Variants in TMEM132B observed in about 807,000 individuals in gnomAD.
TMEM132B encodes transmembrane protein 132B.
A neutral mutation model predicts 90.8 loss-of-function variants in TMEM132B; 18 were observed. The observed-to-expected ratio is 0.20, with a 90% CI of 0.14 to 0.29. The LOEUF is 0.29. TMEM132B is among the 10% of genes least tolerant of loss of function. TMEM132B has a pLI of 1.00. For missense variants in TMEM132B, 1,096 were observed against 1,326.8 expected (o/e 0.83, Z 2.70); for synonymous variants, 504 against 523.3 (o/e 0.96, Z 0.50).
At chr12:125,374,377 G>A (rs554047680) in intron 2 of TMEM132B, among the ~76,000 whole-genome samples, 1 of 152,018 alleles carries the variant, frequency 6.6e-6, no homozygotes, top group South Asian at 2.1e-4. Flanking sequence ...AAAGTATCTG[G>A]ATTCTCATGG....
At chr12:125,574,572 G>A (rs116330742) in intron 4 of TMEM132B, among the ~76,000 whole-genome samples, 2,287 of 152,152 alleles carry the variant, frequency 0.015, 46 homozygotes, top group African/African-American at 0.05. Context: ...GTAAGGAATC[G>A]TGACCATTTG....
At chr12:125,309,234 G>A (rs1478752203) in intron 1 of TMEM132B, among the ~76,000 whole-genome samples, 1 of 152,140 alleles carries the variant, frequency 6.6e-6, no homozygotes, top group Non-Finnish European at 1.5e-5. Context: ...GGAATAAGAT[G>A]CTCTTTATCT....
intron 5 of TMEM132B, among the ~76,000 whole-genome samples, chr12:125,640,362 A>G (rs570905346): frequency 2.8e-4 from 43 of 152,326 alleles, no homozygotes; most frequent in Non-Finnish European, 3.2e-4. Context: ...GTGCTGGTGC[A>G]TAGTTGACTG....
At chr12:125,222,168 C>A in intron 1 of TMEM132B, among the ~76,000 whole-genome samples, 1 of 152,118 alleles carries the variant, frequency 6.6e-6, no homozygotes, top group East Asian at 1.9e-4. Context: ...GGAAAGGGAG[C>A]AGTGGGTGTT....
At chr12:125,534,362 T>G (rs1883737101) in intron 4 of TMEM132B, among the ~76,000 whole-genome samples, 1 of 152,146 alleles carries the variant, frequency 6.6e-6, no homozygotes, top group East Asian at 1.9e-4. Flanking sequence ...TACAAACATT[T>G]AAAAATTGGC....
In TMEM132B at chr12:125,349,940, G is replaced by A; in HGVS notation, c.556G>A (p.Gly186Arg). 1 of 1,614,222 alleles carries A rather than the reference G, an allele frequency of 6.2e-7. No individual in the cohort carries two copies. Among genetic ancestry groups the A allele is most frequent in the Non-Finnish European group, 8.5e-7 (1 of 1,180,040 alleles). Reference sequence around the variant, plus strand: ...CAGCTGTCGGCTGCAAGGGGCCCCAGGGCTGTGTGTGGCTGAGCTGGAGCT... The same window carrying A: ...CAGCTGTCGGCTGCAAGGGGCCCCAAGGCTGTGTGTGGCTGAGCTGGAGCT... ...AASCRLQGAPGLCVAELELLP... is the reference protein window; with the variant it reads ...AASCRLQGAPRLCVAELELLP... Residue 186 changes from glycine to arginine, a missense_variant, in exon 2 of 9, where the codon GGG becomes AGG. Transcript: ENST00000682704. The surrounding 1 kb of genome is among the most constrained non-coding windows in gnomAD (Gnocchi z 4.1).
At chr12:125,479,782 C>G (rs1881990530) in intron 3 of TMEM132B, among the ~76,000 whole-genome samples, 1 of 152,100 alleles carries the variant, frequency 6.6e-6, no homozygotes, top group African/African-American at 2.4e-5. Context: ...CAGAACTCTC[C>G]ACCCCAAATC....
rs531489519 is a variant in TMEM132B at position 125,295,515 on chromosome 12, T to TGTGAGAGAGAGAGAGA, written c.68-53936_68-53935insTGAGAGAGAGAGAGAG. On this transcript the variant is annotated intron_variant, in intron 1 of 8. Coordinates refer to ENST00000682704, the MANE Select transcript of TMEM132B (RefSeq NM_001366854.1). ...TCCATGAAACCTGTGTGTGTGTGTGTGAGAGAGAGAGAGAGAGAGAGAGAG... is the reference window on the plus strand; with the variant it reads ...TCCATGAAACCTGTGTGTGTGTGTGTGTGAGAGAGAGAGAGAGAGAGAGAGAGAGAGAGAGAGAGAG... Among the ~76,000 whole-genome samples, 259 of 142,396 alleles carry TGTGAGAGAGAGAGAGA rather than the reference T, an allele frequency of 1.8e-3. 7 individuals carry two copies. Among genetic ancestry groups the TGTGAGAGAGAGAGAGA allele is most frequent in the African/African-American group, 6.8e-3 (251 of 37,064 alleles). 93.4% of individuals were successfully genotyped at this position (142,396 alleles called of 152,430 possible). A position where few individuals can be genotyped will look rare whatever the true frequency, so the allele number is the denominator to read the frequency against.
intron 3 of TMEM132B, among the ~76,000 whole-genome samples, chr12:125,485,003 C>T (rs1882163807): frequency 6.6e-6 from 1 of 152,174 alleles, no homozygotes; most frequent in African/African-American, 2.4e-5. Flanking sequence ...CTGTTGCTTA[C>T]AACCAAAGAT....
intron 2 of TMEM132B, among the ~76,000 whole-genome samples, chr12:125,371,682 G>A (rs945216725): frequency 6.6e-6 from 1 of 152,206 alleles, no homozygotes; most frequent in African/African-American, 2.4e-5. Flanking sequence ...TGTGGAGCTA[G>A]TTCAGTTTGT....
chr12:125,585,896 T>G (rs1383715679), intron 5 of TMEM132B: 1 of 152,212 alleles, frequency 6.6e-6, no homozygotes, highest in East Asian at 1.9e-4. Flanking sequence ...GTATTCACAC[T>G]TTTTAAGGGG....
chr12:125,405,027 C>T (rs575786233), intron 2 of TMEM132B, among the ~76,000 whole-genome samples: 154 of 152,316 alleles, frequency 1.0e-3, no homozygotes, highest in Admixed American at 2.9e-3. Context: ...ATTGTATTAG[C>T]TCACTTAACC....
chr12:125,475,371 A>G (rs1422023781), intron 3 of TMEM132B, among the ~76,000 whole-genome samples: 1 of 152,198 alleles, frequency 6.6e-6, no homozygotes, highest in Non-Finnish European at 1.5e-5. Flanking sequence ...GTGATGGTTA[A>G]TACTGAGTGT....
intron 1 of TMEM132B, among the ~76,000 whole-genome samples, chr12:125,328,132 C>T (rs1232491710): frequency 1.3e-5 from 2 of 152,190 alleles, no homozygotes; most frequent in Admixed American, 6.5e-5. Context: ...ATGTCTTAAC[C>T]GTGTTATATC....
intron 5 of TMEM132B, among the ~76,000 whole-genome samples, chr12:125,600,115 C>G (rs1423594175): frequency 6.6e-6 from 1 of 152,072 alleles, no homozygotes; most frequent in African/African-American, 2.4e-5. Flanking sequence ...AGAAAATTAA[C>G]TGAAAATAAA....
intron 1 of TMEM132B, among the ~76,000 whole-genome samples, chr12:125,230,463 C>T (rs1027980090): frequency 6.6e-6 from 1 of 151,822 alleles, no homozygotes; most frequent in Non-Finnish European, 1.5e-5. Flanking sequence ...GCCCAGGCAT[C>T]TGTGGTTTTT....
chr12:125,461,824 G>A (rs1172118379), intron 3 of TMEM132B, among the ~76,000 whole-genome samples: 1 of 152,170 alleles, frequency 6.6e-6, no homozygotes, highest in African/African-American at 2.4e-5. Flanking sequence ...TTCTTCCTTT[G>A]CATCCCGCTG....
At chr12:125,307,695 C>A (rs1876007871) in intron 1 of TMEM132B, among the ~76,000 whole-genome samples, 1 of 23,822 alleles carries the variant, frequency 4.2e-5, no homozygotes, top group African/African-American at 1.5e-4. Context: ...AGTTATTACA[C>A]CTTTATTTTC....
At chr12:125,543,123 T>C (rs945524511) in intron 4 of TMEM132B, among the ~76,000 whole-genome samples, 1 of 152,234 alleles carries the variant, frequency 6.6e-6, no homozygotes, top group African/African-American at 2.4e-5. Context: ...CCCATATATG[T>C]CTTTATTCAT....
Sources: allele counts gnomAD v4.1 joint callset (sites outside exome capture counted in the v4.1 genomes callset), GRCh38; gene constraint gnomAD v4.1.1; non-coding constraint Gnocchi (gnomAD v3.1); transcripts MANE v1.5; gene names NCBI Gene and HGNC (gene_info 2026-07-23, HGNC 2026-07-21).